Variants in NPAS3 observed in about 807,000 individuals in gnomAD.
NPAS3 encodes the protein neuronal PAS domain protein 3, also known as neuronal PAS domain-containing protein 3.
Under a neutral mutation model 73.1 loss-of-function variants are expected in NPAS3, and 14 were observed. That is an observed-to-expected ratio of 0.19 (90% confidence interval 0.13 to 0.30). The LOEUF is 0.30. Ranked by LOEUF, NPAS3 falls within the 10% of genes least tolerant of loss-of-function variation. The pLI, the probability that NPAS3 is intolerant of heterozygous loss-of-function variation, is 1.00. For synonymous variants in NPAS3, 620 were observed against 541.5 expected (o/e 1.14, Z -2.01); for missense variants, 1,096 against 1,250.0 (o/e 0.88, Z 1.86).
At chr14:33,613,210 C>T (rs1255075438) in intron 5 of NPAS3, among the ~76,000 whole-genome samples, 2 of 152,132 alleles carry the variant, frequency 1.3e-5, no homozygotes, top group African/African-American at 4.8e-5. Flanking sequence ...CTGCTCCTGG[C>T]CCTACAAACC....
At chr14:33,249,907 TACACACACACACAC>T (rs369565240) in intron 3 of NPAS3, among the ~76,000 whole-genome samples, 3 of 146,978 alleles carry the variant, frequency 2.0e-5, no homozygotes, top group Non-Finnish European at 3.0e-5. Context: ...AAATCTGTCA[TACACACACACACAC>T]ACACACACAC....
intron 3 of NPAS3, among the ~76,000 whole-genome samples, chr14:33,263,039 AT>A (rs1277296390): frequency 1.3e-5 from 2 of 152,080 alleles, no homozygotes; most frequent in African/African-American, 4.8e-5. Flanking sequence ...AGATGAGTAG[AT>A]TTCAAAAATT....
chr14:33,018,910 C>G (rs1043026243), intron 1 of NPAS3, among the ~76,000 whole-genome samples: 2 of 150,960 alleles, frequency 1.3e-5, no homozygotes, highest in Non-Finnish European at 2.9e-5. Flanking sequence ...GTAGAGAGAT[C>G]TAAGAACACA....
downstream of NPAS3, chr14:33,801,848 G>A (rs1172992077): frequency 2.0e-5 from 3 of 151,926 alleles, no homozygotes; most frequent in Non-Finnish European, 4.4e-5. Context: ...CAGCTCCTGG[G>A]CTGGGTTTTG....
At chr14:33,571,088 G>A (rs189854374) in intron 5 of NPAS3, among the ~76,000 whole-genome samples, 11 of 152,282 alleles carry the variant, frequency 7.2e-5, no homozygotes, top group East Asian at 5.8e-4. Context: ...AAGACACTCC[G>A]TTGGTGGTGT....
At chr14:33,581,085 T>C (rs1704344885) in intron 5 of NPAS3, among the ~76,000 whole-genome samples, 1 of 152,208 alleles carries the variant, frequency 6.6e-6, no homozygotes, top group African/African-American at 2.4e-5. Flanking sequence ...AAATTGGCCA[T>C]GCAGAACTGT....
At chr14:33,088,053 G>A (rs376246313) in intron 2 of NPAS3, among the ~76,000 whole-genome samples, 2 of 152,140 alleles carry the variant, frequency 1.3e-5, no homozygotes, top group South Asian at 2.1e-4. Context: ...TGCCCACCAC[G>A]GTGCGGTTCC....
At position 33,448,367 on chromosome 14, in the gene NPAS3, T is replaced by C. The variant is rs1304376008; in HGVS notation, c.468+81099T>C. 2.6e-5 allele frequency among the ~76,000 whole-genome samples: 4 copies of C among 152,198 alleles called. No individual in the cohort carries two copies. In the East Asian group the frequency reaches 7.7e-4, roughly 29 times the overall value. Reference sequence around the variant, plus strand: ...CAGATTTCATCTCTCTAAAAGACAGTCCAAAGATAGAATAGGAATCTTGAA... The same window carrying C: ...CAGATTTCATCTCTCTAAAAGACAGCCCAAAGATAGAATAGGAATCTTGAA... On this transcript the variant is annotated intron_variant, in intron 4 of 11. Coordinates refer to ENST00000356141, the Ensembl canonical transcript of NPAS3.
intron 2 of NPAS3, among the ~76,000 whole-genome samples, chr14:33,060,560 T>C (rs1183923347): frequency 6.6e-6 from 1 of 152,194 alleles, no homozygotes; most frequent in African/African-American, 2.4e-5. Flanking sequence ...ATTGGCAAAA[T>C]TGTAAAGTTT....
Position 33,630,568 on chromosome 14 carries a change from T to C in NPAS3, c.559-45643T>C, listed in dbSNP as rs530684560. ...TTAAGCCAGGATTCTCAATGGATTG[T>C]ATTGGCCAAGAGAGGAAAAAACAGG... On this transcript the variant is annotated intron_variant, in intron 5 of 11. Coordinates refer to ENST00000356141, the Ensembl canonical transcript of NPAS3. Among the ~76,000 whole-genome samples, 20 of 152,332 alleles carry C rather than the reference T, an allele frequency of 1.3e-4. No homozygotes were observed. The South Asian group carries it at 4.1e-3, about 32-fold the overall frequency.
chr14:32,988,115 G>A (rs192710002), intron 1 of NPAS3, among the ~76,000 whole-genome samples: 29 of 152,150 alleles, frequency 1.9e-4, no homozygotes, highest in Admixed American at 9.8e-4. Context: ...ATTCAAATAA[G>A]ATTTAAGAAA....
chr14:33,087,727 G>A (rs1013205802), intron 2 of NPAS3, among the ~76,000 whole-genome samples: 7 of 152,088 alleles, frequency 4.6e-5, no homozygotes, highest in Non-Finnish European at 8.8e-5. Flanking sequence ...TCAAGCAAAG[G>A]GCATCTCATT....
chr14:33,443,723 T>A (rs1413353698), intron 4 of NPAS3, among the ~76,000 whole-genome samples: 2 of 152,200 alleles, frequency 1.3e-5, no homozygotes, highest in Admixed American at 6.5e-5. Context: ...GGAGTCACTT[T>A]AAGTTTGCAG....
At chr14:33,423,691 C>A (rs375355398) in intron 4 of NPAS3, among the ~76,000 whole-genome samples, 5 of 151,836 alleles carry the variant, frequency 3.3e-5, no homozygotes, top group African/African-American at 9.7e-5. Flanking sequence ...AAGTAAAGTT[C>A]TTCATGTATA....
intron 4 of NPAS3, among the ~76,000 whole-genome samples, chr14:33,464,508 A>G (rs1410335132): frequency 6.6e-6 from 1 of 152,214 alleles, no homozygotes; most frequent in Non-Finnish European, 1.5e-5. Flanking sequence ...GCCTGAAGCC[A>G]CTGCTTCTCT....
chr14:33,031,428 G>T (rs770535183), intron 1 of NPAS3, among the ~76,000 whole-genome samples: 1 of 152,162 alleles, frequency 6.6e-6, no homozygotes, highest in Non-Finnish European at 1.5e-5. Context: ...TCCAAGTTCA[G>T]TTCTCTTTTT....
chr14:33,283,863 G>A lies in NPAS3; in HGVS notation c.385+68437G>A, dbSNP rs191131025. Among the ~76,000 whole-genome samples, 10 of 152,232 alleles carry A rather than the reference G, an allele frequency of 6.6e-5. No homozygotes were observed. In the East Asian group the frequency reaches 1.9e-3, roughly 29 times the overall value. On this transcript the variant is annotated intron_variant, in intron 3 of 11. Transcript: ENST00000356141. ...TTTCTCTATGGTCCTATAAAGGAGT[G>A]GTTAGGCATCTCATAACTAGTGTGT... is the stretch of plus-strand genomic sequence containing the variant.
rs140133758 is a variant in NPAS3, at chr14:33,150,763, C to G, written c.141-64419C>G. Among the ~76,000 whole-genome samples the G allele has an allele frequency of 1.9e-3, 284 of 152,296 alleles. 1 individual carries two copies. Among genetic ancestry groups the G allele is most frequent in the African/African-American group, 6.6e-3 (273 of 41,568 alleles). ...TACAGCTAAGCCAGAACTTACTACT[C>G]TGTCTCTGATCTCATGAGTTTTTCT... On this transcript the variant is annotated intron_variant, in intron 2 of 11. Transcript: ENST00000356141.
intron 7 of NPAS3, among the ~76,000 whole-genome samples, chr14:33,771,075 A>G (rs1345121891): frequency 2.0e-5 from 3 of 152,162 alleles, no homozygotes; most frequent in South Asian, 4.1e-4. Flanking sequence ...CATCTTGACA[A>G]TATTCTTTTC....
Sources: allele counts gnomAD v4.1 joint callset (sites outside exome capture counted in the v4.1 genomes callset), GRCh38; gene constraint gnomAD v4.1.1; transcripts MANE v1.5; gene names NCBI Gene and HGNC (gene_info 2026-07-23, HGNC 2026-07-21).